PPARGC1B: variants seen among roughly 807,000 people sequenced by gnomAD.
PPARGC1B encodes PPARG coactivator 1 beta, also known as peroxisome proliferator-activated receptor gamma coactivator 1-beta.
In PPARGC1B, 34 loss-of-function variants were observed where a neutral mutation model predicts 101.6. The ratio of observed to expected loss-of-function variants is 0.33; its 90% CI spans 0.25 to 0.45. The LOEUF is 0.45. PPARGC1B is among the 20% of genes least tolerant of loss of function. PPARGC1B has a pLI of 1.00. For synonymous variants in PPARGC1B, 548 were observed against 539.3 expected, an observed-to-expected ratio of 1.02 and a Z score of -0.22; for missense variants, 1,234 against 1,317.6, an observed-to-expected ratio of 0.94 and a Z score of 0.98.
At chr5:149,809,745 C>T (rs1757776944) in intron 1 of PPARGC1B, among the ~76,000 whole-genome samples, 1 of 142,360 alleles carries the variant, frequency 7.0e-6, no homozygotes, top group Admixed American at 7.0e-5. Flanking sequence ...TATATTTTAC[C>T]ACAATTTAAA....
chr5:149,739,092 C>A (rs1754824245), intron 1 of PPARGC1B, among the ~76,000 whole-genome samples: 1 of 152,198 alleles, frequency 6.6e-6, no homozygotes, highest in Non-Finnish European at 1.5e-5. Flanking sequence ...ATGTCAGGTT[C>A]TCTGAAAGAA....
intron 8 of PPARGC1B, among the ~76,000 whole-genome samples, 187 bp from the exon 9 acceptor site, chr5:149,839,854 G>A (rs1217204671): frequency 1.3e-5 from 2 of 152,210 alleles, no homozygotes; most frequent in African/African-American, 2.4e-5. Flanking sequence ...CAGATGTTCA[G>A]GCCCACACAC....
At chr5:149,844,868 G>T (rs1444556345) in intron 10 of PPARGC1B, among the ~76,000 whole-genome samples, 3 of 152,200 alleles carry the variant, frequency 2.0e-5, no homozygotes, top group Non-Finnish European at 4.4e-5. Flanking sequence ...AGTTGGAATA[G>T]AATTGACTTT....
chr5:149,830,899 C>A lies in PPARGC1B; in HGVS notation c.582+16C>A, dbSNP rs765599603. 2.6e-6 allele frequency: 4 copies of A among 1,544,832 alleles called. No individual in the cohort carries two copies. In the African/African-American group the frequency reaches 5.4e-5, roughly 21 times the overall value. ...TTGTGTTAAGGTATTTCTTCACATGCCCCCAAATCTACCCCAGGTGTCTGT... is the reference window on the plus strand; with the variant it reads ...TTGTGTTAAGGTATTTCTTCACATGACCCCAAATCTACCCCAGGTGTCTGT... On this transcript the variant is annotated intron_variant, in intron 4 of 11. Coordinates refer to ENST00000309241, the MANE Select transcript of PPARGC1B (RefSeq NM_133263.4).
At chr5:149,736,749 A>T (rs2010553) in intron 1 of PPARGC1B, among the ~76,000 whole-genome samples, 17,450 of 151,186 alleles carry the variant, frequency 0.12, 1,330 homozygotes, top group Admixed American at 0.23. Context: ...TCCTCAGTAC[A>T]TTTTTTTTTC....
At chr5:149,835,757 G>A (rs1026812997) in intron 7 of PPARGC1B, among the ~76,000 whole-genome samples, 1 of 152,142 alleles carries the variant, frequency 6.6e-6, no homozygotes, top group South Asian at 2.1e-4. Context: ...GGAGGTTCCA[G>A]CTGCCATTAG....
At chr5:149,747,614 C>T (rs1287793324) in intron 1 of PPARGC1B, among the ~76,000 whole-genome samples, 1 of 152,206 alleles carries the variant, frequency 6.6e-6, no homozygotes, top group African/African-American at 2.4e-5. Flanking sequence ...GGCAACAGCT[C>T]CTCCCTGCCC....
chr5:149,824,974 G>A (rs887974610), intron 2 of PPARGC1B, among the ~76,000 whole-genome samples: 2 of 152,268 alleles, frequency 1.3e-5, no homozygotes, highest in Admixed American at 6.5e-5. Flanking sequence ...CCAAAAGGCC[G>A]TCACGAGACG....
chr5:149,781,334 G>A (rs1170002796), intron 1 of PPARGC1B, among the ~76,000 whole-genome samples: 1 of 152,184 alleles, frequency 6.6e-6, no homozygotes, highest in East Asian at 1.9e-4. Flanking sequence ...CAGGTTGGCT[G>A]TCCTTTGTCC....
intron 1 of PPARGC1B, among the ~76,000 whole-genome samples, chr5:149,778,063 TCACACACACACACA>T (rs1219646323): frequency 2.5e-4 from 3 of 11,898 alleles, no homozygotes; most frequent in African/African-American, 1.3e-3. Context: ...TAGCAGCATC[TCACACACACACACA>T]CACACACACA....
chr5:149,750,516 G>A (rs1036684925), intron 1 of PPARGC1B, among the ~76,000 whole-genome samples: 13 of 144,530 alleles, frequency 9.0e-5, no homozygotes, highest in African/African-American at 3.3e-4. Flanking sequence ...AGGTGTCAGT[G>A]AATACTCAGA....
At chr5:149,778,800 G>T (rs560930379) in intron 1 of PPARGC1B, among the ~76,000 whole-genome samples, 1 of 152,156 alleles carries the variant, frequency 6.6e-6, no homozygotes, top group Non-Finnish European at 1.5e-5. Context: ...GGCACTCATG[G>T]CCTCAGTTTC....
intron 1 of PPARGC1B, among the ~76,000 whole-genome samples, chr5:149,813,058 G>T (rs575190571): frequency 2.0e-5 from 3 of 152,150 alleles, no homozygotes; most frequent in South Asian, 4.1e-4. Context: ...TGTAGAGTAG[G>T]CCCCTTCTAA....
At chr5:149,777,012 C>A (rs1756387252) in intron 1 of PPARGC1B, among the ~76,000 whole-genome samples, 1 of 152,192 alleles carries the variant, frequency 6.6e-6, no homozygotes, top group African/African-American at 2.4e-5. Context: ...TGTGGGGAGC[C>A]CTTTCAGTTT....
chr5:149,857,054 T>C (rs1487086153), downstream of PPARGC1B, among the ~76,000 whole-genome samples: 1 of 151,994 alleles, frequency 6.6e-6, no homozygotes, highest in East Asian at 1.9e-4. Context: ...TTACAGGCAT[T>C]GAGCCACCAC....
rs534724328 is a variant in PPARGC1B at position 149,826,971 on chromosome 5, C to G, written c.465+86C>G. 1.9e-4 allele frequency: 197 copies of G among 1,053,606 alleles called. No individual in the cohort carries two copies. In the Middle Eastern group the frequency reaches 3.2e-3, roughly 17 times the overall value. The allele number at this position is 1,053,606 out of a possible 1,614,324, so 65.3% of individuals were successfully genotyped here. A position where few individuals can be genotyped will look rare whatever the true frequency, so the allele number is the denominator to read the frequency against. On this transcript the variant is annotated intron_variant, in intron 3 of 11. Transcript: ENST00000309241. ...GGCATGGGGTGCAGAGCAATCCGCT[C>G]CAGCCCCGCAGGGGACTCCGTGCAT...
chr5:149,790,015 G>A lies in PPARGC1B; in HGVS notation c.79-30418G>A, dbSNP rs1180800079. On this transcript the variant is annotated intron_variant, in intron 1 of 11. Coordinates refer to ENST00000309241, the MANE Select transcript of PPARGC1B (RefSeq NM_133263.4). ...GTCAAACTGCCTGGGTTTGTTTCCC[G>A]CCTCTACCACTTCTAGCTGGGTGAC... is the stretch of plus-strand genomic sequence containing the variant. 4.6e-5 allele frequency among the ~76,000 whole-genome samples: 7 copies of A among 152,236 alleles called. No homozygotes were observed. The East Asian group carries it at 1.2e-3, about 25-fold the overall frequency.
rs780713726 is a variant in PPARGC1B at position 149,836,395 on chromosome 5, C to T, written c.1940C>T (p.Thr647Ile). The T allele has an allele frequency of 4.3e-6, 7 of 1,614,106 alleles. No individual in the cohort carries two copies. In the Admixed American group the frequency reaches 1.2e-4, roughly 27 times the overall value. Residue 647 changes from threonine to isoleucine, a missense_variant, in exon 8 of 12, where the codon ACC (threonine) becomes ATC (isoleucine). Thr to Ile is a moderately conservative substitution (Grantham distance 89). This residue lies in a region of PPARGC1B where 497 missense variants were observed against 529.5 expected (regional missense o/e 0.94). Transcript: ENST00000309241. ...CCTGAGGGCCTCTCACTCAAGGCCA[C>T]CCCAGGGGCTGCCCACAAGCTGCCA... is the stretch of plus-strand genomic sequence containing the variant. ...PSPEGLSLKATPGAAHKLPKK... is the reference protein window; with the variant it reads ...PSPEGLSLKAIPGAAHKLPKK...
At chr5:149,734,321 C>CAAAA (rs1221455764) in intron 1 of PPARGC1B, among the ~76,000 whole-genome samples, 3 of 64,506 alleles carry the variant, frequency 4.7e-5, no homozygotes, top group African/African-American at 6.4e-5. Flanking sequence ...AACTCATTCT[C>CAAAA]AAAAAAAAAA....
Sources: allele counts gnomAD v4.1 joint callset (sites outside exome capture counted in the v4.1 genomes callset), GRCh38; gene constraint gnomAD v4.1.1; regional missense constraint gnomAD v4.1.1; transcripts MANE v1.5; gene names NCBI Gene and HGNC (gene_info 2026-07-23, HGNC 2026-07-21).